MGAT5B: variants seen among roughly 807,000 people sequenced by gnomAD.
MGAT5B encodes the protein N-acetylglucosaminyl-transferase Vb.
A neutral mutation model predicts 95.1 loss-of-function variants in MGAT5B; 54 were observed. That is an observed-to-expected ratio of 0.57 (90% CI 0.46 to 0.71). The LOEUF is 0.71. Among genes scored for constraint, MGAT5B ranks in the 30% least tolerant of loss-of-function variants. MGAT5B has a pLI of 0.00. For missense variants in MGAT5B, 935 were observed against 1,088.6 expected (o/e 0.86, Z 1.99); for synonymous variants, 464 against 451.0 (o/e 1.03, Z -0.36).
At chr17:76,891,935 G>A (rs973515846) in intron 3 of MGAT5B, among the ~76,000 whole-genome samples, 1 of 152,084 alleles carries the variant, frequency 6.6e-6, no homozygotes, top group Non-Finnish European at 1.5e-5. Flanking sequence ...CAAGCCCTCC[G>A]TGACCCTAAC....
intron 8 of MGAT5B, among the ~76,000 whole-genome samples, chr17:76,908,954 G>T (rs80315391): frequency 6.6e-6 from 1 of 151,748 alleles, no homozygotes. Flanking sequence ...TTACAGGCGG[G>T]TGCCACCGTG....
In MGAT5B at chr17:76,912,558, C is replaced by A. The variant is rs569775710; in HGVS notation, c.1025+6371C>A. Among the ~76,000 whole-genome samples, 1 of 152,002 alleles carries A rather than the reference C, an allele frequency of 6.6e-6. No homozygotes were observed. The highest frequency in any genetic ancestry group is 1.5e-5 in the Non-Finnish European group (1 of 68,020). The stretch of plus-strand genomic sequence containing the variant: ...GTTGTAGTTTATTCGCAGATGTTCA[C>A]GGCAGATGTCCTGGCCACTGATGGA... On this transcript the variant is annotated intron_variant, in intron 8 of 17. Coordinates refer to ENST00000569840, the MANE Select transcript of MGAT5B (RefSeq NM_001199172.2). This position sits in a 1 kb window ranked among gnomAD's most constrained non-coding sequence, Gnocchi z 5.0.
rs1969452442 is a variant in MGAT5B at position 76,930,771 on chromosome 17, CTGTAACAG to C, written c.1292-1873_1292-1866del. ...CGAGGAAATCCCGGGGCAATCCCTG[CTGTAACAG>C]AGACCTAACTGCCGCAGATGGGGCC... On this transcript the variant is annotated intron_variant, in intron 10 of 17. Transcript: ENST00000569840. The surrounding 1 kb of genome is among the most constrained non-coding windows in gnomAD (Gnocchi z 4.1). Among the ~76,000 whole-genome samples, 4 of 152,154 alleles carry C rather than the reference CTGTAACAG, an allele frequency of 2.6e-5. No homozygotes were observed. Among genetic ancestry groups the C allele is most frequent in the Admixed American group, 2.6e-4 (4 of 15,284 alleles).
intron 2 of MGAT5B, 36 bp from the exon 3 acceptor site, chr17:76,882,115 G>A (rs779814879): frequency 5.8e-6 from 9 of 1,564,490 alleles, no homozygotes; most frequent in East Asian, 4.6e-5. Context: ...CAGGCTGCTC[G>A]GGCCTCCCCT....
chr17:76,878,174 C>G (rs564855932), intron 2 of MGAT5B, among the ~76,000 whole-genome samples: 1 of 152,110 alleles, frequency 6.6e-6, no homozygotes, highest in African/African-American at 2.4e-5. Flanking sequence ...GCCTGACCTG[C>G]TTCCCTCCTG....
chr17:76,919,581 C>G (rs942769883), intron 8 of MGAT5B, among the ~76,000 whole-genome samples: 1 of 152,154 alleles, frequency 6.6e-6, no homozygotes, highest in African/African-American at 2.4e-5. Flanking sequence ...AGGTGCATGC[C>G]ACCATGCCCG....
In MGAT5B at chr17:76,903,331, G is replaced by C. The variant is rs1326027087; in HGVS notation, c.474G>C (p.Glu158Asp). The part of the protein sequence containing the change: ...KVSEGRRDQC[E>D]APSDPKFPDC... Reference sequence around the variant, plus strand: ...CAGAAGGCCGGCGGGACCAGTGTGAGGCACCCAGTGACCCCAAGTTCCCTG... The same window carrying C: ...CAGAAGGCCGGCGGGACCAGTGTGACGCACCCAGTGACCCCAAGTTCCCTG... Residue 158 changes from glutamate to aspartate, a missense_variant, in exon 5 of 18, where the codon GAG becomes GAC. Coordinates refer to ENST00000569840, the MANE Select transcript of MGAT5B (RefSeq NM_001199172.2). 1 of 1,611,142 alleles carries C rather than the reference G, an allele frequency of 6.2e-7. No homozygotes were observed. The highest frequency in any genetic ancestry group is 8.5e-7 in the Non-Finnish European group (1 of 1,178,666).
intron 1 of MGAT5B, among the ~76,000 whole-genome samples, chr17:76,872,352 C>T (rs994555043): frequency 6.6e-6 from 1 of 152,212 alleles, no homozygotes; most frequent in Non-Finnish European, 1.5e-5. Flanking sequence ...TGGCTGGCCT[C>T]AGGCCCTGCT....
chr17:76,906,203 A>G lies in MGAT5B; in HGVS notation c.1025+16A>G. The G allele has an allele frequency of 6.3e-7, 1 of 1,583,270 alleles. No homozygotes were observed. Among genetic ancestry groups the G allele is most frequent in the Admixed American group, 1.9e-5 (1 of 54,050 alleles). On this transcript the variant is annotated intron_variant, in intron 8 of 17. Coordinates refer to ENST00000569840, the MANE Select transcript of MGAT5B (RefSeq NM_001199172.2). The surrounding 1 kb of genome is among the most constrained non-coding windows in gnomAD (Gnocchi z 4.6). ...AGCTGCAGAGGTGAGTGCTGGGGAAAGCCACTGGCATTAAGTGGGGCAGGG... is the reference window on the plus strand; with the variant it reads ...AGCTGCAGAGGTGAGTGCTGGGGAAGGCCACTGGCATTAAGTGGGGCAGGG...
rs1421816830 is a variant in MGAT5B, at chr17:76,948,860, T to A, written c.*22T>A. The A allele has an allele frequency of 6.4e-7, 1 of 1,552,882 alleles. No homozygotes were observed. Among genetic ancestry groups the A allele is most frequent in the African/African-American group, 1.4e-5 (1 of 73,780 alleles). On this transcript the variant is annotated 3_prime_UTR_variant, in exon 18 of 18. Coordinates refer to ENST00000569840, the MANE Select transcript of MGAT5B (RefSeq NM_001199172.2). ...GTGAATCCGCCTCTGCCGCCCTGCC[T>A]GGCACCCACGCTGGCTCTCTCCTGC...
intron 10 of MGAT5B, among the ~76,000 whole-genome samples, chr17:76,932,376 C>T (rs1178357568): frequency 6.6e-6 from 1 of 152,136 alleles, no homozygotes; most frequent in African/African-American, 2.4e-5. Context: ...TCAAGGGATC[C>T]TCCTGCCTCT....
intron 3 of MGAT5B, 70 bp downstream of exon 3, chr17:76,882,368 T>G: frequency 1.3e-6 from 2 of 1,509,638 alleles, no homozygotes; most frequent in East Asian, 2.4e-5. Flanking sequence ...TCCGGGGTGC[T>G]GTCCGTCATC....
intron 3 of MGAT5B, among the ~76,000 whole-genome samples, chr17:76,893,830 G>T (rs1412149641): frequency 6.6e-6 from 1 of 152,138 alleles, no homozygotes; most frequent in Non-Finnish European, 1.5e-5. Context: ...CTGGGGGCGG[G>T]GGGTGCCAGC....
chr17:76,909,512 C>T (rs1040251384), intron 8 of MGAT5B, among the ~76,000 whole-genome samples: 7 of 152,198 alleles, frequency 4.6e-5, no homozygotes, highest in Admixed American at 6.5e-5. Context: ...TTGGCCTTCT[C>T]TCCACTAATG....
chr17:76,904,162 C>G (rs556984679), intron 5 of MGAT5B, 90 bp from the exon 6 acceptor site: 21 of 1,361,792 alleles, frequency 1.5e-5, no homozygotes, highest in African/African-American at 5.8e-5. Flanking sequence ...CATCCTTGAC[C>G]TCAGGACCCC....
intron 3 of MGAT5B, among the ~76,000 whole-genome samples, chr17:76,888,811 G>A (rs953523342): frequency 2.0e-5 from 3 of 152,168 alleles, no homozygotes; most frequent in Non-Finnish European, 4.4e-5. Flanking sequence ...CTGGAGGGCC[G>A]CGTTGGTGGT....
intron 8 of MGAT5B, among the ~76,000 whole-genome samples, chr17:76,921,124 C>T (rs189407702): frequency 5.3e-5 from 8 of 152,262 alleles, no homozygotes; most frequent in Non-Finnish European, 1.2e-4. Flanking sequence ...TTGAGTTAAG[C>T]ACGTGGAGGT....
intron 3 of MGAT5B, among the ~76,000 whole-genome samples, chr17:76,895,028 G>A (rs553671548): frequency 2.3e-4 from 35 of 152,254 alleles, no homozygotes; most frequent in African/African-American, 8.4e-4. Context: ...AGCAGGAAGT[G>A]GGCGGCAGGC....
chr17:76,875,869 G>A (rs941624759), intron 2 of MGAT5B, among the ~76,000 whole-genome samples: 15 of 151,930 alleles, frequency 9.9e-5, no homozygotes, highest in African/African-American at 3.4e-4. Context: ...TCTACGTGTT[G>A]TAACATTAGT....
Sources: gnomAD v4.1 joint callset for allele counts (sites outside exome capture counted in the v4.1 genomes callset) on GRCh38, gnomAD v4.1.1 for gene constraint, Gnocchi (gnomAD v3.1) non-coding constraint, MANE v1.5 for transcripts, NCBI Gene and HGNC (gene_info 2026-07-23, HGNC 2026-07-21) for gene names.